Variants in TRDN observed in about 807,000 individuals in gnomAD.
The protein encoded by TRDN is triadin in skeletal muscle.
A neutral mutation model predicts 149.7 loss-of-function variants in TRDN; 161 were observed. The observed-to-expected ratio is 1.08, with a 90% CI of 0.95 to 1.23. The LOEUF (loss-of-function observed/expected upper bound fraction) is 1.23. Ranked by LOEUF, TRDN falls within the 50% of genes most tolerant of loss-of-function variation. TRDN has a pLI of 0.00. For synonymous variants in TRDN, 294 were observed against 250.5 expected (o/e 1.17, Z -1.64); for missense variants, 896 against 823.5 (o/e 1.09, Z -1.08).
chr6:123,314,913 G>A (rs138766855), intron 24 of TRDN, among the ~76,000 whole-genome samples: 3 of 152,010 alleles, frequency 2.0e-5, no homozygotes, highest in Middle Eastern at 3.4e-3. Context: ...ATACCTGGGC[G>A]ATGAAATAAT....
chr6:123,393,266 A>C (rs1772579079), intron 13 of TRDN, among the ~76,000 whole-genome samples: 2 of 152,238 alleles, frequency 1.3e-5, no homozygotes, highest in Admixed American at 1.3e-4. Flanking sequence ...CATAAATTAC[A>C]AGGTATACTG....
At chr6:123,571,600 G>A (rs1019445085) in intron 1 of TRDN, among the ~76,000 whole-genome samples, 3 of 151,912 alleles carry the variant, frequency 2.0e-5, no homozygotes, top group Non-Finnish European at 4.4e-5. Flanking sequence ...CTGATTTTAA[G>A]AGTCCACATG....
intron 19 of TRDN, among the ~76,000 whole-genome samples, chr6:123,373,022 T>G (rs534887139): frequency 5.3e-5 from 8 of 152,242 alleles, no homozygotes; most frequent in Non-Finnish European, 4.4e-5. Context: ...CCCTGACACA[T>G]AACTTTCGAT....
At chr6:123,503,961 C>T in intron 7 of TRDN, 60 bp from the exon 8 acceptor site, 2 of 1,482,204 alleles carry the variant, frequency 1.3e-6, no homozygotes, top group South Asian at 2.7e-5. Context: ...AATGTTTCAT[C>T]TGTACTATGT....
chr6:123,280,446 GT>G (rs544465787), intron 24 of TRDN, among the ~76,000 whole-genome samples: 8 of 151,902 alleles, frequency 5.3e-5, no homozygotes, highest in Non-Finnish European at 1.2e-4. Flanking sequence ...TTTATATTCA[GT>G]TTGTCAACAC....
chr6:123,326,889 C>A (rs1398414003), intron 23 of TRDN, among the ~76,000 whole-genome samples: 1 of 151,822 alleles, frequency 6.6e-6, no homozygotes, highest in Non-Finnish European at 1.5e-5. Context: ...AGTTATTTTT[C>A]TTTGTTCATT....
rs1417867183 is a variant in TRDN, at chr6:123,337,712, A to G, written c.1370-43T>C. The G allele has an allele frequency of 4.0e-6, 5 of 1,243,896 alleles. No homozygotes were observed. In the South Asian group the frequency reaches 6.1e-5, roughly 15 times the overall value. 77.1% of individuals were successfully genotyped at this position (1,243,896 alleles called of 1,614,324 possible). On this transcript the variant is annotated intron_variant, in intron 21 of 40. Coordinates refer to ENST00000334268, the MANE Select transcript of TRDN (RefSeq NM_006073.4). ...GGAAGAAAAAGTTACAAGGAATAAG[A>G]GAGGAAAAAAATGCAAGTCTCTTCA...
At chr6:123,373,068 C>T (rs1052094629) in intron 19 of TRDN, among the ~76,000 whole-genome samples, 4 of 152,086 alleles carry the variant, frequency 2.6e-5, no homozygotes, top group African/African-American at 9.7e-5. Context: ...AGCATCGCAC[C>T]AGTAATCTGA....
chr6:123,298,090 A>G (rs1292206734), intron 24 of TRDN, among the ~76,000 whole-genome samples: 1 of 152,076 alleles, frequency 6.6e-6, no homozygotes, highest in African/African-American at 2.4e-5. Flanking sequence ...AACAAATTTG[A>G]GCTAAGAGCA....
chr6:123,630,541 A>T (rs1014812568), intron 1 of TRDN, among the ~76,000 whole-genome samples: 12 of 152,000 alleles, frequency 7.9e-5, no homozygotes, highest in African/African-American at 2.2e-4. Context: ...TCATTTTTGC[A>T]TTGTAAAAGT....
chr6:123,515,716 G>A (rs1350421667), intron 6 of TRDN, among the ~76,000 whole-genome samples: 1 of 152,026 alleles, frequency 6.6e-6, no homozygotes, highest in African/African-American at 2.4e-5. Context: ...GTATCTTTAT[G>A]TGTTGAGCAA....
Position 123,636,925 on chromosome 6 carries a change from G to T in TRDN, c.-150C>A. The T allele has an allele frequency of 2.3e-6, 2 of 861,426 alleles. No homozygotes were observed. Among genetic ancestry groups the T allele is most frequent in the East Asian group, 5.2e-5 (2 of 38,128 alleles). The allele number at this position is 861,426 out of a possible 1,614,324, so 53.4% of individuals were successfully genotyped here. ...TGGCTGTTTCTGCTGCTTCTTTGTT[G>T]TCCTGTTGAACTTTGCCTCTCCTCT... On this transcript the variant is annotated 5_prime_UTR_variant, in exon 1 of 41. Transcript: ENST00000334268.
intron 1 of TRDN, among the ~76,000 whole-genome samples, chr6:123,594,333 C>A (rs1297473166): frequency 6.6e-6 from 1 of 151,916 alleles, no homozygotes; most frequent in Non-Finnish European, 1.5e-5. Context: ...ATATTTTATT[C>A]TTTCATCAAA....
At chr6:123,552,099 C>A (rs1562382789) in intron 2 of TRDN, among the ~76,000 whole-genome samples, 1 of 152,190 alleles carries the variant, frequency 6.6e-6, no homozygotes, top group South Asian at 2.1e-4. Flanking sequence ...ACCTTCAGCA[C>A]TTCTGTTATA....
Position 123,571,201 on chromosome 6 carries a change from T to G in TRDN, c.23-69A>C, listed in dbSNP as rs115098412. 1,585 of 1,516,120 alleles carry G rather than the reference T, an allele frequency of 1.0e-3. 19 individuals carry two copies. The African/African-American group carries it at 0.019, about 18-fold the overall frequency. The allele number at this position is 1,516,120 out of a possible 1,614,324, so 93.9% of individuals were successfully genotyped here. A position where few individuals can be genotyped will look rare whatever the true frequency, so the allele number is the denominator to read the frequency against. On this transcript the variant is annotated intron_variant, in intron 1 of 40. Coordinates refer to ENST00000334268, the MANE Select transcript of TRDN (RefSeq NM_006073.4). The stretch of plus-strand genomic sequence containing the variant: ...GGTAAATATTGATGATGAGAAACAC[T>G]GACTATATGAGTGCTGAACCTGTTT...
At chr6:123,457,471 G>C (rs1776194800) in intron 10 of TRDN, 1 of 348,686 alleles carries the variant, frequency 2.9e-6, no homozygotes, top group African/African-American at 2.2e-5. Context: ...GAAGAAAGTT[G>C]TAAGTTTAGA....
intron 21 of TRDN, among the ~76,000 whole-genome samples, chr6:123,340,616 A>G (rs1270030012): frequency 6.6e-6 from 1 of 152,076 alleles, no homozygotes. Context: ...GCTCAGAAAT[A>G]TAACTTCAAA....
chr6:123,504,510 A>G lies in TRDN; in HGVS notation c.611-609T>C, dbSNP rs9388252. On this transcript the variant is annotated intron_variant, in intron 7 of 40. Coordinates refer to ENST00000334268, the MANE Select transcript of TRDN (RefSeq NM_006073.4). ...CTATAGTCTAATGATTTGGCCTTAG[A>G]AAAACTGAAAGTGAAGAAATTCAGA... 2.6e-5 allele frequency among the ~76,000 whole-genome samples: 4 copies of G among 152,318 alleles called. No homozygotes were observed. The East Asian group carries it at 7.7e-4, about 29-fold the overall frequency.
At chr6:123,494,376 G>T (rs1778345385) in intron 9 of TRDN, among the ~76,000 whole-genome samples, 1 of 151,956 alleles carries the variant, frequency 6.6e-6, no homozygotes, top group African/African-American at 2.4e-5. Flanking sequence ...AGAAATGATT[G>T]GTATTGCGAC....
Sources: allele counts gnomAD v4.1 joint callset (sites outside exome capture counted in the v4.1 genomes callset), GRCh38; gene constraint gnomAD v4.1.1; transcripts MANE v1.5; gene names NCBI Gene and HGNC (gene_info 2026-07-23, HGNC 2026-07-21).